Variants in PTPRG observed in about 807,000 individuals in gnomAD.
PTPRG encodes protein tyrosine phosphatase receptor type G.
Under a neutral mutation model 165.3 loss-of-function variants are expected in PTPRG, and 102 were observed. The ratio of observed to expected loss-of-function variants is 0.62; its 90% CI spans 0.53 to 0.73. The LOEUF (loss-of-function observed/expected upper bound fraction) is 0.73, where lower values mean the gene tolerates loss of function less well. Ranked by LOEUF, PTPRG falls within the 30% of genes least tolerant of loss-of-function variation. The pLI, the probability that PTPRG is intolerant of heterozygous loss-of-function variation, is 0.00. For missense variants in PTPRG, 1,866 were observed against 1,861.4 expected, an observed-to-expected ratio of 1.00 and a Z score of -0.05; for synonymous variants, 675 against 669.5, an observed-to-expected ratio of 1.01 and a Z score of -0.13.
intron 7 of PTPRG, among the ~76,000 whole-genome samples, chr3:62,166,922 G>A (rs777889218): frequency 4.6e-5 from 7 of 151,816 alleles, no homozygotes; most frequent in Non-Finnish European, 8.8e-5. Context: ...GGGTTCAAGC[G>A]ATCTTCCACC....
At chr3:61,958,460 C>T (rs967110564) in intron 2 of PTPRG, among the ~76,000 whole-genome samples, 2 of 152,150 alleles carry the variant, frequency 1.3e-5, no homozygotes, top group African/African-American at 2.4e-5. Context: ...CGGGTAAAAT[C>T]ATAGCAACCT....
chr3:62,199,944 A>G (rs1387045170), intron 10 of PTPRG, among the ~76,000 whole-genome samples: 5 of 152,244 alleles, frequency 3.3e-5, no homozygotes, highest in Non-Finnish European at 7.3e-5. Flanking sequence ...ATTCTGACAC[A>G]TGCTGCAAGG....
intron 28 of PTPRG, among the ~76,000 whole-genome samples, chr3:62,288,163 T>G (rs905371592): frequency 2.8e-5 from 4 of 142,142 alleles, no homozygotes; most frequent in Admixed American, 2.1e-4. Context: ...AAAAACAGCC[T>G]GTGTAAACTC....
chr3:62,178,810 G>A (rs1349516781), intron 8 of PTPRG, among the ~76,000 whole-genome samples: 1 of 152,162 alleles, frequency 6.6e-6, no homozygotes, highest in Non-Finnish European at 1.5e-5. Flanking sequence ...CCCTACTCTG[G>A]CTTTCTTTGC....
rs150839810 is a variant in PTPRG, at chr3:62,168,091, G to T, written c.961G>T (p.Ala321Ser). The T allele has an allele frequency of 6.2e-7, 1 of 1,614,006 alleles. No individual in the cohort carries two copies. Among genetic ancestry groups the T allele is most frequent in the Non-Finnish European group, 8.5e-7 (1 of 1,179,978 alleles). Reference sequence around the variant, plus strand: ...GCATGACAGGGTGGTGTCCAAGTCCGCCGTCCGTGACTCCTGGAACCACGA... The same window carrying T: ...GCATGACAGGGTGGTGTCCAAGTCCTCCGTCCGTGACTCCTGGAACCACGA... ...RLHDRVVSKS[A>S]VRDSWNHDMT... The change falls in exon 8 of 30, where the codon GCC (alanine) becomes TCC (serine). Residue 321 changes from alanine to serine, a missense_variant. By Grantham distance (99) the Ala-to-Ser change is moderately conservative (BLOSUM62 1). Transcript: ENST00000474889.
At chr3:61,860,433 CCTTT>C (rs2037229304) in intron 2 of PTPRG, among the ~76,000 whole-genome samples, 1 of 111,050 alleles carries the variant, frequency 9.0e-6, no homozygotes, top group Non-Finnish European at 1.8e-5. Flanking sequence ...TGTTTTTGTT[CCTTT>C]TTTTTTTTTT....
At chr3:61,809,627 A>G (rs1279300835) in intron 2 of PTPRG, among the ~76,000 whole-genome samples, 1 of 152,202 alleles carries the variant, frequency 6.6e-6, no homozygotes, top group East Asian at 1.9e-4. Flanking sequence ...GACAGTGAAT[A>G]CTATATGTCA....
At position 62,210,632 on chromosome 3, in the gene PTPRG, C is replaced by A. The variant is rs1055680132; in HGVS notation, c.2155+6682C>A. On this transcript the variant is annotated intron_variant, in intron 12 of 29. Coordinates refer to ENST00000474889, the MANE Select transcript of PTPRG (RefSeq NM_002841.4). The surrounding 1 kb of genome is among the most constrained non-coding windows in gnomAD (Gnocchi z 4.1). ...TTATATCCACTTATACACGAGTTTT[C>A]TTCTGTCTCTGCTACCCCTGAGAGA... Among the ~76,000 whole-genome samples the A allele has an allele frequency of 2.0e-5, 3 of 152,132 alleles. No individual in the cohort carries two copies. Among genetic ancestry groups the A allele is most frequent in the Admixed American group, 6.5e-5 (1 of 15,276 alleles).
intron 1 of PTPRG, among the ~76,000 whole-genome samples, chr3:61,730,894 T>G (rs959073079): frequency 2.0e-5 from 3 of 152,220 alleles, no homozygotes; most frequent in Admixed American, 1.3e-4. Context: ...GGAACTGGAT[T>G]TCTAGGTTAC....
At chr3:61,689,869 C>A (rs2030064033) in intron 1 of PTPRG, among the ~76,000 whole-genome samples, 1 of 152,160 alleles carries the variant, frequency 6.6e-6, no homozygotes, top group African/African-American at 2.4e-5. Flanking sequence ...TAACCTGATT[C>A]CATTTATTTC....
chr3:62,064,211 T>C (rs1469900172), intron 4 of PTPRG, among the ~76,000 whole-genome samples: 1 of 152,160 alleles, frequency 6.6e-6, no homozygotes, highest in Non-Finnish European at 1.5e-5. Flanking sequence ...TGGCCCCAAA[T>C]GAATACAAGT....
chr3:61,621,051 A>ATGTGTGTGTGTG (rs1173192341), intron 1 of PTPRG, among the ~76,000 whole-genome samples: 53 of 117,874 alleles, frequency 4.5e-4, no homozygotes, highest in Admixed American at 1.4e-3. Flanking sequence ...ATATATATAT[A>ATGTGTGTGTGTG]TGTGTGTGTG....
chr3:62,292,454 C>G lies in PTPRG; in HGVS notation c.4089C>G (p.Ala1363=), dbSNP rs764111540. ...YGAVSAGMLC[A]LTTLSQQLEN... Reference sequence around the variant, plus strand: ...CAGTTTCAGCAGGAATGTTATGTGCCCTTACCACCCTGTCCCAGCAACTGG... The same window carrying G: ...CAGTTTCAGCAGGAATGTTATGTGCGCTTACCACCCTGTCCCAGCAACTGG... Residue 1363 remains alanine (A), a synonymous_variant, in exon 29 of 30, where the codon GCC becomes GCG. Transcript: ENST00000474889. The G allele has an allele frequency of 5.0e-6, 8 of 1,613,190 alleles. No homozygotes were observed. In the African/African-American group the frequency reaches 8.0e-5, roughly 16 times the overall value.
At chr3:62,103,049 T>C (rs1439987734) in intron 5 of PTPRG, among the ~76,000 whole-genome samples, 1 of 152,244 alleles carries the variant, frequency 6.6e-6, no homozygotes, top group African/African-American at 2.4e-5. Flanking sequence ...ATCCTGCTTC[T>C]CTTCTTTTCT....
intron 1 of PTPRG, among the ~76,000 whole-genome samples, chr3:61,567,257 C>G (rs369267347): frequency 2.0e-5 from 3 of 152,234 alleles, no homozygotes; most frequent in Non-Finnish European, 4.4e-5. Flanking sequence ...CAGCCACTGA[C>G]GAGGTAGAGG....
rs115851650 is a variant in PTPRG at position 61,652,398 on chromosome 3, C to G, written c.85+90026C>G. 5.2e-3 allele frequency among the ~76,000 whole-genome samples: 785 copies of G among 152,264 alleles called. 6 individuals carry two copies. Among genetic ancestry groups the G allele is most frequent in the South Asian group, 0.03 (147 of 4,828 alleles). ...CGGAGTGTGTTAGCCATTGACAGGGCTGATCTTCAAGTTTACCTCTGCCTG... is the reference window on the plus strand; with the variant it reads ...CGGAGTGTGTTAGCCATTGACAGGGGTGATCTTCAAGTTTACCTCTGCCTG... On this transcript the variant is annotated intron_variant, in intron 1 of 29. Transcript: ENST00000474889.
intron 3 of PTPRG, 81 bp from the exon 4 acceptor site, chr3:62,003,268 A>G (rs1032280072): frequency 6.8e-7 from 1 of 1,473,258 alleles, no homozygotes; most frequent in East Asian, 2.3e-5. Flanking sequence ...GTAATGGTGA[A>G]CTTTATTAGA....
At chr3:62,205,653 G>A (rs904010567) in intron 12 of PTPRG, among the ~76,000 whole-genome samples, 4 of 152,164 alleles carry the variant, frequency 2.6e-5, no homozygotes, top group African/African-American at 9.7e-5. Flanking sequence ...CAGGTCCAGA[G>A]ACCCTACAGT....
intron 4 of PTPRG, among the ~76,000 whole-genome samples, chr3:62,056,246 G>A (rs1277359055): frequency 6.6e-6 from 1 of 152,210 alleles, no homozygotes; most frequent in Admixed American, 6.5e-5. Flanking sequence ...GATGTTTGCT[G>A]TCCACTGAGA....
Sources: gnomAD v4.1 joint callset for allele counts (sites outside exome capture counted in the v4.1 genomes callset) on GRCh38, gnomAD v4.1.1 for gene constraint, Gnocchi (gnomAD v3.1) non-coding constraint, MANE v1.5 for transcripts, NCBI Gene and HGNC (gene_info 2026-07-23, HGNC 2026-07-21) for gene names.